Variants in TLR8 observed in about 807,000 individuals in gnomAD.
TLR8 encodes toll-like receptor 8.
In TLR8, 5 loss-of-function variants were observed where a neutral mutation model predicts 18.5. The ratio of observed to expected loss-of-function variants is 0.27; its 90% CI spans 0.14 to 0.57. The LOEUF (loss-of-function observed/expected upper bound fraction) is 0.57. TLR8 is among the 20% of genes least tolerant of loss of function. The pLI, the probability that TLR8 is intolerant of heterozygous loss-of-function variation, is 0.92. For synonymous variants in TLR8, 299 were observed against 300.1 expected (o/e 1.00, Z 0.04); for missense variants, 543 against 769.8 (o/e 0.71, Z 3.49).
intron 1 of TLR8, among the ~76,000 whole-genome samples, chrX:12,909,681 C>T (rs781250746): frequency 4.9e-4 from 55 of 111,677 alleles, no homozygotes; most frequent in Admixed American, 2.3e-3. Context: ...ATCACTGAAA[C>T]CAGATCATGG....
At chrX:12,916,019 TTA>T (rs1444234444) in intron 1 of TLR8, among the ~76,000 whole-genome samples, 6 of 110,889 alleles carry the variant, frequency 5.4e-5, no homozygotes, top group African/African-American at 2.0e-4. Flanking sequence ...GTAGCTGGGA[TTA>T]TAGTCATGCA....
At chrX:12,914,081 C>T (rs1193129875) in intron 1 of TLR8, among the ~76,000 whole-genome samples, 1 of 111,018 alleles carries the variant, frequency 9.0e-6, no homozygotes, top group East Asian at 2.8e-4. Context: ...AGCAAAAAGC[C>T]TAGAAATAGA....
intron 1 of TLR8, among the ~76,000 whole-genome samples, chrX:12,909,787 T>C (rs998645410): frequency 8.9e-6 from 1 of 112,139 alleles, no homozygotes; most frequent in Non-Finnish European, 1.9e-5. Flanking sequence ...CTGAGTGACC[T>C]TGAAAACATT....
intron 1 of TLR8, among the ~76,000 whole-genome samples, chrX:12,914,714 A>G (rs5744055): frequency 0.18 from 19,531 of 110,671 alleles, 1,297 homozygotes; most frequent in Admixed American, 0.24. Context: ...CTCTATTGCC[A>G]CCACCCTAGT....
intron 1 of TLR8, among the ~76,000 whole-genome samples, chrX:12,916,431 T>C (rs2043056053): frequency 8.9e-6 from 1 of 111,768 alleles, no homozygotes; most frequent in Admixed American, 9.5e-5. Context: ...GGCTGAGATC[T>C]GCTCAGGTGC....
At chrX:12,915,303 C>T in intron 1 of TLR8, among the ~76,000 whole-genome samples, 1 of 111,500 alleles carries the variant, frequency 9.0e-6, no homozygotes, top group Middle Eastern at 4.6e-3. Flanking sequence ...GCTGGGACCA[C>T]AAGCATGAGC....
chrX:12,911,031 T>G (rs1040720378), intron 1 of TLR8, among the ~76,000 whole-genome samples: 1 of 110,027 alleles, frequency 9.1e-6, no homozygotes, highest in Admixed American at 9.7e-5. Context: ...ACAACCCCAG[T>G]GAAAGATCTG....
chrX:12,916,798 G>T (rs1389483970), intron 1 of TLR8, among the ~76,000 whole-genome samples: 1 of 111,386 alleles, frequency 9.0e-6, no homozygotes. Context: ...GAGGCTCTGA[G>T]TAAAAATTTG....
rs183353890 is a variant in TLR8 at position 12,907,129 on chromosome X, C to A, written c.3+420C>A. Among the ~76,000 whole-genome samples the A allele has an allele frequency of 2.2e-3, 246 of 112,603 alleles. 1 individual carries two copies. The highest frequency in any genetic ancestry group is 7.6e-3 in the African/African-American group (237 of 31,042). On this transcript the variant is annotated intron_variant, in intron 1 of 1. Transcript: ENST00000218032. ...TAGAAAAGGACAAACTCTCTTCCTT[C>A]ACATACATAGGTCAATTGCTAGATC...
intron 1 of TLR8, 63 bp from the exon 2 acceptor site, chrX:12,918,981 T>C (rs2043074168): frequency 8.8e-7 from 1 of 1,130,581 alleles, no homozygotes; most frequent in Non-Finnish European, 1.2e-6. Flanking sequence ...GCTAATTTAT[T>C]TACAAAACAC....
Position 12,920,527 on chromosome X carries a change from T to A in TLR8, c.1487T>A (p.Ile496Asn). The change falls in exon 2 of 2, where the codon ATT becomes AAT. Residue 496 changes from isoleucine to asparagine, a missense_variant. Ile to Asn is a moderately radical substitution (Grantham distance 149, BLOSUM62 -3). Around this residue, in one of 4 missense-constraint regions of TLR8, gnomAD observed 185 missense variants for 298.9 expected, o/e 0.62. Transcript: ENST00000218032. ...TTAAGCCTCAACAGTATTTTCTTCA[T>A]TGGGCCAAACCAATTTGAAAATCTT... ...LDLSLNSIFFIGPNQFENLPD... is the reference protein window; with the variant it reads ...LDLSLNSIFFNGPNQFENLPD... 1 of 1,212,116 alleles carries A rather than the reference T, an allele frequency of 8.3e-7. No homozygotes were observed.
At position 12,921,765 on chromosome X, in the gene TLR8, C is replaced by A. The variant is rs773531695; in HGVS notation, c.2725C>A (p.Arg909=). 1 of 1,211,121 alleles carries A rather than the reference C, an allele frequency of 8.3e-7. No individual in the cohort carries two copies. The change falls in exon 2 of 2, where the codon CGA becomes AGA. Residue 909 remains arginine, a synonymous_variant. Coordinates refer to ENST00000218032, the MANE Select transcript of TLR8 (RefSeq NM_138636.5). ...GCTGCGCTACCACCTTGAAGAGAGCCGAGACAAAAACGTTCTCCTTTGTCT... is the reference window on the plus strand; with the variant it reads ...GCTGCGCTACCACCTTGAAGAGAGCAGAGACAAAAACGTTCTCCTTTGTCT... ...NELRYHLEES[R]DKNVLLCLEE...
At chrX:12,911,442 T>C (rs976348108) in intron 1 of TLR8, among the ~76,000 whole-genome samples, 5 of 111,658 alleles carry the variant, frequency 4.5e-5, no homozygotes, top group Non-Finnish European at 9.4e-5. Flanking sequence ...CCTCTCCTCA[T>C]GTGGGTGGCC....
intron 1 of TLR8, among the ~76,000 whole-genome samples, chrX:12,911,998 T>C (rs1466959076): frequency 8.9e-6 from 1 of 112,795 alleles, no homozygotes; most frequent in Admixed American, 9.3e-5. Flanking sequence ...ATTCTTTTAC[T>C]ATGGCTTTAA....
chrX:12,921,059 T>A lies in TLR8; in HGVS notation c.2019T>A (p.Asp673Glu). Reference protein sequence around the residue: ...PASLTELHINDNMLKFFNWTL... With the variant: ...PASLTELHINENMLKFFNWTL... ...GTCTCACTGAACTACATATAAATGA[T>A]AATATGTTAAAGTTTTTTAACTGGA... The change falls in exon 2 of 2, where the codon GAT becomes GAA. Residue 673 changes from aspartate (D) to glutamate (E), a missense_variant. Asp to Glu is a conservative substitution (Grantham distance 45). Around this residue, in one of 4 missense-constraint regions of TLR8, gnomAD observed 227 missense variants for 312.9 expected, o/e 0.73. Coordinates refer to ENST00000218032, the MANE Select transcript of TLR8 (RefSeq NM_138636.5). The A allele has an allele frequency of 8.3e-7, 1 of 1,211,523 alleles. No individual in the cohort carries two copies. Among genetic ancestry groups the A allele is most frequent in the Non-Finnish European group, 1.1e-6 (1 of 895,319 alleles).
rs1477444771 is a variant in TLR8 at position 12,919,395 on chromosome X, G to A, written c.355G>A (p.Gly119Arg). 1.7e-6 allele frequency: 2 copies of A among 1,211,300 alleles called. No homozygotes were observed. The highest frequency in any genetic ancestry group is 2.2e-5 in the Admixed American group (1 of 45,971). ...ATCAAATGGCTTGAATATCACAGAC[G>A]GGGCATTCCTCAACCTAAAAAACCT... Reference protein sequence around the residue: ...IQSNGLNITDGAFLNLKNLRE... With the variant: ...IQSNGLNITDRAFLNLKNLRE... Residue 119 changes from glycine to arginine, a missense_variant, in exon 2 of 2, where the codon GGG becomes AGG. By Grantham distance (125) the Gly-to-Arg change is moderately radical. This residue lies in a region of TLR8 where 117 missense variants were observed against 111.0 expected (regional missense o/e 1.05). Transcript: ENST00000218032.
chrX:12,915,642 T>TGGCAAGCAGTCCTACCAC lies in TLR8; in HGVS notation c.4-3385_4-3384insCGGCAAGCAGTCCTACCA, dbSNP rs780811405. Among the ~76,000 whole-genome samples the TGGCAAGCAGTCCTACCAC allele has an allele frequency of 5.1e-3, 570 of 112,618 alleles. 4 individuals are homozygous for TGGCAAGCAGTCCTACCAC. Among genetic ancestry groups the TGGCAAGCAGTCCTACCAC allele is most frequent in the African/African-American group, 0.018 (543 of 30,976 alleles). Reference sequence around the variant, plus strand: ...CATTCCAGTCCTCTGGGCCCCACTGTGGCAAGCAGTCCTACCATGGCAAAC... The same window carrying TGGCAAGCAGTCCTACCAC: ...CATTCCAGTCCTCTGGGCCCCACTGTGGCAAGCAGTCCTACCACGGCAAGCAGTCCTACCATGGCAAAC... On this transcript the variant is annotated intron_variant, in intron 1 of 1. Transcript: ENST00000218032.
Position 12,921,215 on chromosome X carries a change from C to T in TLR8, c.2175C>T (p.Ser725=), listed in dbSNP as rs764139431. ...RTLLLSHNRI[S]HLPSGFLSEV... is the part of the protein sequence containing the mutation. ...TGCTGCTGAGTCATAACAGGATTTC[C>T]CACCTACCCTCTGGCTTTCTTTCTG... The change falls in exon 2 of 2, where the codon TCC becomes TCT. Residue 725 remains serine, a synonymous_variant. Coordinates refer to ENST00000218032, the MANE Select transcript of TLR8 (RefSeq NM_138636.5). The T allele has an allele frequency of 2.5e-5, 30 of 1,211,781 alleles. No individual in the cohort carries two copies. The East Asian group carries it at 6.5e-4, about 26-fold the overall frequency.
chrX:12,917,588 T>A (rs1192520519), intron 1 of TLR8, among the ~76,000 whole-genome samples: 3 of 112,458 alleles, frequency 2.7e-5, no homozygotes, highest in Non-Finnish European at 5.6e-5. Context: ...GAGAGTTCTC[T>A]TAATTACAAC....
Sources: allele counts gnomAD v4.1 joint callset (sites outside exome capture counted in the v4.1 genomes callset), GRCh38; gene constraint gnomAD v4.1.1; regional missense constraint gnomAD v4.1.1; transcripts MANE v1.5; gene names NCBI Gene and HGNC (gene_info 2026-07-23, HGNC 2026-07-21).